The following CNBD2 variants were observed in gnomAD, a reference collection of about 807,000 sequenced individuals.
CNBD2 encodes the protein cyclic nucleotide-binding domain-containing protein 2.
CNBD2 carries 64 observed loss-of-function variants against 63.7 expected under a neutral mutation model. That is an observed-to-expected ratio of 1.00 (90% CI 0.82 to 1.24). The LOEUF (loss-of-function observed/expected upper bound fraction) is 1.24, where lower values mean the gene tolerates loss of function less well. Ranked by LOEUF, CNBD2 falls within the 50% of genes most tolerant of loss-of-function variation. CNBD2 has a pLI of 0.00. For missense variants in CNBD2, 691 were observed against 713.5 expected, an observed-to-expected ratio of 0.97 and a Z score of 0.36; for synonymous variants, 229 against 255.4, an observed-to-expected ratio of 0.90 and a Z score of 0.99.
intron 8 of CNBD2, among the ~76,000 whole-genome samples, chr20:36,006,664 G>A (rs1383880255): frequency 2.0e-5 from 3 of 152,124 alleles, no homozygotes; most frequent in Admixed American, 2.0e-4. Flanking sequence ...CGATCCTCCT[G>A]CCTTGGCCTT....
intron 11 of CNBD2, among the ~76,000 whole-genome samples, chr20:36,024,478 A>T (rs1012509757): frequency 1.3e-5 from 2 of 150,868 alleles, no homozygotes; most frequent in African/African-American, 4.9e-5. Flanking sequence ...AAAATACAAA[A>T]ATTAGCCAGG....
At chr20:35,975,878 G>A in intron 2 of CNBD2, 71 bp from the exon 3 acceptor site, 2 of 1,375,668 alleles carry the variant, frequency 1.5e-6, no homozygotes, top group Non-Finnish European at 2.1e-6. Flanking sequence ...GTAGACAGGA[G>A]GGCTCTAGAT....
chr20:36,020,242 C>T (rs538821323), intron 10 of CNBD2, among the ~76,000 whole-genome samples: 10 of 152,244 alleles, frequency 6.6e-5, no homozygotes, highest in African/African-American at 2.2e-4. Flanking sequence ...GCACCACGCC[C>T]GGCTAATTTT....
chr20:35,981,055 T>A lies in CNBD2; in HGVS notation c.407+433T>A, dbSNP rs139463855. ...CTTGAATTACCACTGAGGTCAGTGA[T>A]GCTCTGATTGAGAGTTGAGAAAGGG... On this transcript the variant is annotated intron_variant, in intron 4 of 11. Coordinates refer to ENST00000373973, the MANE Select transcript of CNBD2 (RefSeq NM_001365709.1). 3.7e-3 allele frequency among the ~76,000 whole-genome samples: 567 copies of A among 152,336 alleles called. 4 individuals carry two copies. The highest frequency in any genetic ancestry group is 0.024 in the Middle Eastern group (7 of 294).
At chr20:35,962,233 A>G (rs1040910015) in intron 2 of CNBD2, among the ~76,000 whole-genome samples, 2 of 150,392 alleles carry the variant, frequency 1.3e-5, no homozygotes, top group African/African-American at 4.9e-5. Context: ...CAAGTGGACA[A>G]TTCTGAGGCA....
rs1199936284 is a variant in CNBD2, at chr20:36,027,677, A to AT, written c.1440-2663dup. ...ACAGATTGAAGGAAAATCATTTGTA[A>AT]TTTTTTTTTTTTTTTTTAGACAGAG... On this transcript the variant is annotated intron_variant, in intron 11 of 11. Coordinates refer to ENST00000373973, the MANE Select transcript of CNBD2 (RefSeq NM_001365709.1). 8.9e-3 allele frequency among the ~76,000 whole-genome samples: 1,257 copies of AT among 141,538 alleles called. 11 individuals are homozygous for AT. Among genetic ancestry groups the AT allele is most frequent in the East Asian group, 0.025 (122 of 4,900 alleles). The allele number at this position is 141,538 out of a possible 152,430, so 92.9% of individuals were successfully genotyped here.
rs752859126 is a variant in CNBD2 at position 35,983,994 on chromosome 20, G to T, written c.420G>T (p.Arg140Ser). The change falls in exon 5 of 12, where the codon AGG becomes AGT. Residue 140 changes from arginine (R) to serine (S), a missense_variant. Transcript: ENST00000373973. The part of the protein sequence containing the change: ...KVMRFERFGR[R>S]RVIIKKGQKG... The stretch of plus-strand genomic sequence containing the variant: ...GGTCTTTTCCCAGGTTTGGTCGCAG[G>T]CGTGTGATCATCAAGAAGGGGCAGA... 2.5e-6 allele frequency: 4 copies of T among 1,614,176 alleles called. No individual in the cohort carries two copies. The highest frequency in any genetic ancestry group is 3.4e-6 in the Non-Finnish European group (4 of 1,180,040).
intron 8 of CNBD2, among the ~76,000 whole-genome samples, chr20:35,999,066 A>C (rs2056864178): frequency 6.6e-6 from 1 of 152,024 alleles, no homozygotes; most frequent in Non-Finnish European, 1.5e-5. Context: ...GTCCCTGGTA[A>C]TATTCTTTGC....
chr20:36,026,648 C>T (rs1003419856), intron 11 of CNBD2, among the ~76,000 whole-genome samples: 24 of 152,162 alleles, frequency 1.6e-4, no homozygotes, highest in African/African-American at 5.6e-4. Flanking sequence ...ACATACCTTG[C>T]CTTTGCCAAT....
chr20:36,000,080 A>C (rs2056875698), intron 8 of CNBD2, among the ~76,000 whole-genome samples: 2 of 152,196 alleles, frequency 1.3e-5, no homozygotes, highest in South Asian at 2.1e-4. Flanking sequence ...CTTTGTATAG[A>C]TCCAGATTTC....
intron 2 of CNBD2, among the ~76,000 whole-genome samples, chr20:35,975,214 G>T (rs1453363330): frequency 7.4e-6 from 1 of 135,656 alleles, no homozygotes; most frequent in East Asian, 2.1e-4. Flanking sequence ...TGTTAGCCAG[G>T]ATGGTCTCGA....
chr20:36,011,002 T>A, intron 9 of CNBD2, 135 bp from the exon 10 acceptor site: 8 of 938,030 alleles, frequency 8.5e-6, no homozygotes, highest in Non-Finnish European at 1.2e-5. Context: ...TTTTGAGTTT[T>A]CTCGCCTTCT....
chr20:35,958,146 T>C (rs1841485292), downstream of CNBD2, among the ~76,000 whole-genome samples: 1 of 152,184 alleles, frequency 6.6e-6, no homozygotes, highest in Non-Finnish European at 1.5e-5. Context: ...AAAAAGCTTT[T>C]CATTGGCCAA....
rs2057013466 is a variant in CNBD2 at position 36,008,406 on chromosome 20, G to A, written c.1080G>A (p.Gly360=). Residue 360 remains glycine, a synonymous_variant, in exon 9 of 12, where the codon GGG becomes GGA. Coordinates refer to ENST00000373973, the MANE Select transcript of CNBD2 (RefSeq NM_001365709.1). ...TCAAAAAAGCCTGGGGGCTACAGGG[G>A]ACAAGCTTCAGCAGGAAGATCAGAA... is the stretch of plus-strand genomic sequence containing the variant. The part of the protein sequence containing the change: ...PHLKKAWGLQ[G]TSFSRKIRTS... 2 of 1,614,112 alleles carry A rather than the reference G, an allele frequency of 1.2e-6. No homozygotes were observed. The highest frequency in any genetic ancestry group is 1.7e-6 in the Non-Finnish European group (2 of 1,180,026).
chr20:36,006,418 G>GA (rs1014803242), intron 8 of CNBD2, among the ~76,000 whole-genome samples: 4 of 151,130 alleles, frequency 2.6e-5, no homozygotes, highest in South Asian at 4.2e-4. Flanking sequence ...TGACAAATTA[G>GA]AAAAAAAATT....
chr20:36,019,535 A>G (rs2057179850), intron 10 of CNBD2, among the ~76,000 whole-genome samples: 1 of 150,608 alleles, frequency 6.6e-6, no homozygotes. Context: ...AAAAGAAAAA[A>G]AAAAAAAAAA....
At chr20:36,001,466 C>T (rs1473894665) in intron 8 of CNBD2, among the ~76,000 whole-genome samples, 3 of 150,036 alleles carry the variant, frequency 2.0e-5, no homozygotes, top group African/African-American at 2.4e-5. Context: ...CCTCACCTCC[C>T]AGACGGGGCG....
At chr20:35,972,368 C>G (rs1022170763) in intron 1 of CNBD2, among the ~76,000 whole-genome samples, 3 of 152,212 alleles carry the variant, frequency 2.0e-5, no homozygotes, top group African/African-American at 7.2e-5. Flanking sequence ...TGCATAACAA[C>G]TAGCTTCTGG....
intron 8 of CNBD2, among the ~76,000 whole-genome samples, chr20:35,997,247 A>G (rs1339256983): frequency 6.6e-6 from 1 of 151,640 alleles, no homozygotes; most frequent in East Asian, 1.9e-4. Flanking sequence ...GCTTCCCCCC[A>G]CTTCCCTTGA....
Sources: allele counts gnomAD v4.1 joint callset (sites outside exome capture counted in the v4.1 genomes callset), GRCh38; gene constraint gnomAD v4.1.1; transcripts MANE v1.5; gene names NCBI Gene and HGNC (gene_info 2026-07-23, HGNC 2026-07-21).